The following GALNT10 variants were observed in gnomAD, a reference collection of about 807,000 sequenced individuals.
GALNT10 encodes GalNAc transferase 10.
Under a neutral mutation model 75.0 loss-of-function variants are expected in GALNT10, and 41 were observed. The ratio of observed to expected loss-of-function variants is 0.55; its 90% CI spans 0.43 to 0.71. GALNT10 has a LOEUF of 0.71. GALNT10 is among the 30% of genes least tolerant of loss of function. GALNT10 has a pLI of 0.00. For synonymous variants in GALNT10, 302 were observed against 313.0 expected, an observed-to-expected ratio of 0.96 and a Z score of 0.37; for missense variants, 727 against 818.5, an observed-to-expected ratio of 0.89 and a Z score of 1.36.
intron 4 of GALNT10, among the ~76,000 whole-genome samples, chr5:154,340,530 A>C (rs1755018694): frequency 6.6e-6 from 1 of 152,188 alleles, no homozygotes; most frequent in African/African-American, 2.4e-5. Flanking sequence ...TATGTCTAAT[A>C]GGTATGTTCT....
chr5:154,242,200 A>T (rs1327230113), intron 1 of GALNT10, among the ~76,000 whole-genome samples: 1 of 152,220 alleles, frequency 6.6e-6, no homozygotes, highest in Non-Finnish European at 1.5e-5. Flanking sequence ...TACTCCACTC[A>T]GTCTAATTCG....
Position 154,298,024 on chromosome 5 carries a change from T to C in GALNT10, c.346T>C (p.Tyr116His). ...ATACCGAGAAAATGGATTTAACATC[T>C]ACGTCAGTGATAAAATCTCCTTGAA... ...QAYRENGFNI[Y>H]VSDKISLNRS... Residue 116 changes from tyrosine to histidine, a missense_variant, in exon 3 of 12, where the codon TAC becomes CAC. Physicochemically the swap from Tyr to His is moderately conservative, Grantham distance 83 (BLOSUM62 2). Coordinates refer to ENST00000297107, the MANE Select transcript of GALNT10 (RefSeq NM_198321.4). This position sits in a 1 kb window ranked among gnomAD's most constrained non-coding sequence, Gnocchi z 4.1. 1 of 1,613,314 alleles carries C rather than the reference T, an allele frequency of 6.2e-7. No homozygotes were observed. The highest frequency in any genetic ancestry group is 8.5e-7 in the Non-Finnish European group (1 of 1,179,214).
chr5:154,406,971 C>T (rs190479273), intron 8 of GALNT10, among the ~76,000 whole-genome samples: 30 of 152,282 alleles, frequency 2.0e-4, no homozygotes, highest in Non-Finnish European at 3.4e-4. Flanking sequence ...GCCAGACAGC[C>T]TTGAGGTAGA....
At chr5:154,414,300 TG>T (rs1399444258) in intron 10 of GALNT10, among the ~76,000 whole-genome samples, 2 of 152,190 alleles carry the variant, frequency 1.3e-5, no homozygotes, top group African/African-American at 4.8e-5. Context: ...TACAAAGACT[TG>T]TACACTAATG....
chr5:154,388,683 C>G (rs1256367331), intron 7 of GALNT10: 1 of 120,324 alleles, frequency 8.3e-6, no homozygotes, highest in Non-Finnish European at 1.7e-5. Flanking sequence ...CTCACCCTTT[C>G]TGGGATTTTT....
intron 6 of GALNT10, 37 bp downstream of exon 6, chr5:154,380,668 C>G: frequency 1.4e-6 from 2 of 1,452,518 alleles, no homozygotes; most frequent in Non-Finnish European, 1.9e-6. Context: ...CCAGTGGCTA[C>G]CCAGTGACCA....
At chr5:154,270,002 C>T (rs1209872093) in intron 1 of GALNT10, among the ~76,000 whole-genome samples, 1 of 145,426 alleles carries the variant, frequency 6.9e-6, no homozygotes, top group Non-Finnish European at 1.5e-5. Context: ...AGAGGTCTTA[C>T]TCTTTCTCTT....
chr5:154,257,992 A>G (rs1272322264), intron 1 of GALNT10, among the ~76,000 whole-genome samples: 1 of 152,216 alleles, frequency 6.6e-6, no homozygotes, highest in Admixed American at 6.5e-5. Flanking sequence ...GGTATATGTC[A>G]GCAGGTACAA....
chr5:154,337,802 A>G, intron 4 of GALNT10: 2 of 1,002,300 alleles, frequency 2.0e-6, no homozygotes, highest in Admixed American at 1.7e-5. Flanking sequence ...TCCCACTAAA[A>G]CCACCTCCAC....
intron 1 of GALNT10, among the ~76,000 whole-genome samples, chr5:154,247,169 A>C (rs942728400): frequency 6.6e-6 from 1 of 152,120 alleles, no homozygotes; most frequent in African/African-American, 2.4e-5. Context: ...ATTGGTCTAT[A>C]TCTCTGTTTT....
At chr5:154,229,422 C>T (rs1444206677) in intron 1 of GALNT10, among the ~76,000 whole-genome samples, 2 of 152,188 alleles carry the variant, frequency 1.3e-5, no homozygotes, top group African/African-American at 2.4e-5. Context: ...TGATTTTAAT[C>T]TTCCCTGCAA....
At chr5:154,281,919 A>C (rs1754043909) in intron 1 of GALNT10, among the ~76,000 whole-genome samples, 1 of 152,214 alleles carries the variant, frequency 6.6e-6, no homozygotes, top group Non-Finnish European at 1.5e-5. Flanking sequence ...GGAAGGGATA[A>C]ACAAGAAAGG....
At chr5:154,366,292 G>A (rs1755473287) in intron 4 of GALNT10, among the ~76,000 whole-genome samples, 1 of 152,158 alleles carries the variant, frequency 6.6e-6, no homozygotes, top group African/African-American at 2.4e-5. Context: ...TTTTGGAAAT[G>A]GGTGTTAGGC....
At chr5:154,340,911 AC>A (rs1337160277) in intron 4 of GALNT10, among the ~76,000 whole-genome samples, 13 of 152,188 alleles carry the variant, frequency 8.5e-5, no homozygotes, top group African/African-American at 2.7e-4. Flanking sequence ...CCAAATATAC[AC>A]ATTTATATAT....
chr5:154,301,411 A>G lies in GALNT10; in HGVS notation c.401+3332A>G, dbSNP rs141443340. 1.9e-3 allele frequency among the ~76,000 whole-genome samples: 293 copies of G among 152,182 alleles called. 1 individual carries two copies. Among genetic ancestry groups the G allele is most frequent in the African/African-American group, 7.0e-3 (289 of 41,518 alleles). On this transcript the variant is annotated intron_variant, in intron 3 of 11. Coordinates refer to ENST00000297107, the MANE Select transcript of GALNT10 (RefSeq NM_198321.4). ...CTTTTTAATTTTAATTATCATGGCT[A>G]TATAATGATTGTATATATTTATGAG...
At chr5:154,296,538 A>G (rs1484780413) in intron 2 of GALNT10, among the ~76,000 whole-genome samples, 2 of 152,228 alleles carry the variant, frequency 1.3e-5, no homozygotes, top group Admixed American at 1.3e-4. Flanking sequence ...GCATCTGTCG[A>G]ACGCTAACTA....
At chr5:154,343,158 T>C (rs910844451) in intron 4 of GALNT10, among the ~76,000 whole-genome samples, 2 of 149,050 alleles carry the variant, frequency 1.3e-5, no homozygotes, top group African/African-American at 5.0e-5. Flanking sequence ...CAGGAATCTG[T>C]GTTGTAACCA....
chr5:154,316,402 G>A (rs183647648), intron 3 of GALNT10, among the ~76,000 whole-genome samples: 191 of 152,274 alleles, frequency 1.3e-3, no homozygotes, highest in African/African-American at 4.3e-3. Context: ...AGGGTTGGAC[G>A]AGGCACCTTC....
At chr5:154,193,086 A>G (rs1211634783) in intron 1 of GALNT10, among the ~76,000 whole-genome samples, 1 of 136,538 alleles carries the variant, frequency 7.3e-6, no homozygotes, top group Non-Finnish European at 1.5e-5. Flanking sequence ...GGGAAGATCT[A>G]GTTTTTGTTC....
Sources: allele counts gnomAD v4.1 joint callset (sites outside exome capture counted in the v4.1 genomes callset), GRCh38; gene constraint gnomAD v4.1.1; non-coding constraint Gnocchi (gnomAD v3.1); transcripts MANE v1.5; gene names NCBI Gene and HGNC (gene_info 2026-07-23, HGNC 2026-07-21).